CFAP61: variants seen among roughly 807,000 people sequenced by gnomAD.
The protein encoded by CFAP61 is cilia- and flagella-associated protein 61.
In CFAP61, 107 loss-of-function variants were observed where a neutral mutation model predicts 135.6. The ratio of observed to expected loss-of-function variants is 0.79; its 90% CI spans 0.67 to 0.93. CFAP61 has a LOEUF of 0.93. Ranked by LOEUF, CFAP61 falls within the 40% of genes least tolerant of loss-of-function variation. The pLI is 0.00. For synonymous variants in CFAP61, 575 were observed against 578.5 expected (o/e 0.99, Z 0.09); for missense variants, 1,507 against 1,556.2 (o/e 0.97, Z 0.53).
chr20:20,305,393 T>A (rs1601918857), intron 25 of CFAP61, among the ~76,000 whole-genome samples: 1 of 152,252 alleles, frequency 6.6e-6, no homozygotes, highest in South Asian at 2.1e-4. Context: ...AAAATGTTTT[T>A]CTGCGCCTCT....
At chr20:20,302,329 A>G (rs1394553717) in intron 25 of CFAP61, among the ~76,000 whole-genome samples, 1 of 152,126 alleles carries the variant, frequency 6.6e-6, no homozygotes, top group Non-Finnish European at 1.5e-5. Flanking sequence ...TATACTGTTT[A>G]TTTCCTTTTC....
intron 8 of CFAP61, among the ~76,000 whole-genome samples, chr20:20,125,312 A>G (rs2146705489): frequency 6.6e-6 from 1 of 151,578 alleles, no homozygotes; most frequent in South Asian, 2.1e-4. Flanking sequence ...TGACCTTAGA[A>G]TGTCAGTTTG....
chr20:20,123,983 T>G (rs1214981300), intron 8 of CFAP61, among the ~76,000 whole-genome samples: 3 of 147,902 alleles, frequency 2.0e-5, no homozygotes, highest in South Asian at 4.3e-4. Context: ...TTTTTTTTTT[T>G]TTTTTTTTTT....
At chr20:20,094,498 A>G (rs1284255315) in intron 7 of CFAP61, 1 of 152,270 alleles carries the variant, frequency 6.6e-6, no homozygotes, top group African/African-American at 2.4e-5. Flanking sequence ...TTTTACTCTG[A>G]ATCACTTGAG....
intron 25 of CFAP61, among the ~76,000 whole-genome samples, chr20:20,312,605 C>CCTCT: frequency 6.6e-6 from 1 of 151,860 alleles, no homozygotes; most frequent in Admixed American, 6.6e-5. Flanking sequence ...CTCAGTGAAT[C>CCTCT]TCAAGCATAA....
At chr20:20,350,521 C>T (rs1169917997) in intron 26 of CFAP61, among the ~76,000 whole-genome samples, 1 of 152,078 alleles carries the variant, frequency 6.6e-6, no homozygotes, top group African/African-American at 2.4e-5. Context: ...CCCAGCTACT[C>T]GGGAGGCTGA....
chr20:20,278,434 G>A (rs1203454424), intron 22 of CFAP61, among the ~76,000 whole-genome samples: 1 of 152,216 alleles, frequency 6.6e-6, no homozygotes, highest in Non-Finnish European at 1.5e-5. Context: ...CCTCAGGGAG[G>A]GAAGGAGGGA....
chr20:20,066,762 G>A (rs1263107938), intron 2 of CFAP61, among the ~76,000 whole-genome samples: 2 of 152,070 alleles, frequency 1.3e-5, no homozygotes, highest in Non-Finnish European at 1.5e-5. Context: ...ACAATGGCAC[G>A]TGTATATGTA....
chr20:20,218,855 G>C (rs895784138), intron 17 of CFAP61, among the ~76,000 whole-genome samples: 3 of 152,170 alleles, frequency 2.0e-5, no homozygotes, highest in Non-Finnish European at 2.9e-5. Flanking sequence ...TACTGAATAG[G>C]TTATCTCAAT....
At chr20:20,244,310 G>A (rs2050258981) in intron 18 of CFAP61, among the ~76,000 whole-genome samples, 2 of 152,176 alleles carry the variant, frequency 1.3e-5, no homozygotes, top group South Asian at 4.1e-4. Context: ...TTCCATGAGA[G>A]CCCTGCCCCT....
In CFAP61 at chr20:20,169,333, T is replaced by C. The variant is rs566787903; in HGVS notation, c.1258T>C (p.Cys420Arg). The change falls in exon 13 of 27, where the codon TGT (cysteine) becomes CGT (arginine). Residue 420 changes from cysteine to arginine, a missense_variant. Transcript: ENST00000245957. ...VFSLFSDKNF[C>R]VISLPHLTPE... ...TTGATGATGTTAGGATAAGAACTTC[T>C]GTGTAATTTCTCTGCCCCATCTCAC... The C allele has an allele frequency of 3.1e-6, 5 of 1,613,780 alleles. No individual in the cohort carries two copies. Among genetic ancestry groups the C allele is most frequent in the Non-Finnish European group, 4.2e-6 (5 of 1,179,874 alleles).
intron 8 of CFAP61, among the ~76,000 whole-genome samples, chr20:20,108,421 G>A (rs2146662904): frequency 6.6e-6 from 1 of 152,222 alleles, no homozygotes; most frequent in South Asian, 2.1e-4. Flanking sequence ...TCTCCCACAA[G>A]GAGATGGCTA....
intron 9 of CFAP61, among the ~76,000 whole-genome samples, chr20:20,149,455 C>T (rs1404272854): frequency 6.6e-6 from 1 of 152,144 alleles, no homozygotes; most frequent in African/African-American, 2.4e-5. Flanking sequence ...CCAGGAAAAC[C>T]AAAAGAAACC....
intron 26 of CFAP61, among the ~76,000 whole-genome samples, chr20:20,356,092 C>T (rs1358651521): frequency 1.7e-4 from 15 of 87,224 alleles, no homozygotes; most frequent in South Asian, 5.9e-4. Context: ...GAGATGGTCA[C>T]ACTGTGAGGG....
At chr20:20,055,432 C>T (rs561687149) in intron 1 of CFAP61, among the ~76,000 whole-genome samples, 2 of 152,296 alleles carry the variant, frequency 1.3e-5, no homozygotes, top group African/African-American at 2.4e-5. Flanking sequence ...AGCCCCCTCA[C>T]TTACCGAGGG....
chr20:20,070,885 A>G lies in CFAP61; in HGVS notation c.175A>G (p.Asn59Asp). The change falls in exon 3 of 27, where the codon AAT (asparagine) becomes GAT (aspartate). Residue 59 changes from asparagine (N) to aspartate (D), a missense_variant. Physicochemically the swap from Asn to Asp is conservative, Grantham distance 23 (BLOSUM62 1). Transcript: ENST00000245957. ...GGCCAACCTTGCTGTTACCCTCTGCAATGACAAGGAGGAGATCATGGCCCA... is the reference window on the plus strand; with the variant it reads ...GGCCAACCTTGCTGTTACCCTCTGCGATGACAAGGAGGAGATCATGGCCCA... ...EKANLAVTLC[N>D]DKEEIMAQAT... 6.2e-7 allele frequency: 1 copy of G among 1,613,880 alleles called. No homozygotes were observed. The highest frequency in any genetic ancestry group is 8.5e-7 in the Non-Finnish European group (1 of 1,179,880).
chr20:20,071,140 G>A (rs957196780), intron 3 of CFAP61, 136 bp downstream of exon 3: 18 of 918,458 alleles, frequency 2.0e-5, no homozygotes, highest in Middle Eastern at 6.8e-4. Context: ...GGGAGCTGGT[G>A]GGGAGGAAAA....
At chr20:20,346,003 G>A (rs1400029246) in intron 26 of CFAP61, among the ~76,000 whole-genome samples, 2 of 129,830 alleles carry the variant, frequency 1.5e-5, no homozygotes, top group Non-Finnish European at 3.2e-5. Context: ...CCGGGTTCAC[G>A]CCATTCTCCT....
At chr20:20,114,289 A>T (rs1276555205) in intron 8 of CFAP61, among the ~76,000 whole-genome samples, 1 of 152,194 alleles carries the variant, frequency 6.6e-6, no homozygotes, top group Non-Finnish European at 1.5e-5. Context: ...ATTAAATTTT[A>T]AAATAATCAT....
Sources: allele counts gnomAD v4.1 joint callset (sites outside exome capture counted in the v4.1 genomes callset), GRCh38; gene constraint gnomAD v4.1.1; transcripts MANE v1.5; gene names NCBI Gene and HGNC (gene_info 2026-07-23, HGNC 2026-07-21).